The following STARD13 variants were observed in gnomAD, a reference collection of about 807,000 sequenced individuals.
STARD13 encodes StAR related lipid transfer domain containing 13.
Under a neutral mutation model 106.4 loss-of-function variants are expected in STARD13, and 62 were observed. The observed-to-expected ratio is 0.58, with a 90% CI of 0.48 to 0.72. STARD13 has a LOEUF of 0.72. Ranked by LOEUF, STARD13 falls within the 30% of genes least tolerant of loss-of-function variation. The pLI is 0.00. For synonymous variants in STARD13, 565 were observed against 553.0 expected (o/e 1.02, Z -0.31); for missense variants, 1,387 against 1,424.0 (o/e 0.97, Z 0.42).
intron 4 of STARD13, among the ~76,000 whole-genome samples, chr13:33,131,434 GA>G (rs762063596): frequency 5.0e-5 from 4 of 80,376 alleles, no homozygotes; most frequent in South Asian, 4.2e-4. Flanking sequence ...CGAATCATAT[GA>G]TTTTTTTTTT....
At chr13:33,669,588 T>G in the STARD13 span, among the ~76,000 whole-genome samples, 1 of 145,638 alleles carries the variant, frequency 6.9e-6, no homozygotes, top group Non-Finnish European at 1.5e-5. Flanking sequence ...CAGACTGGAG[T>G]GCAGTGGTGT....
chr13:33,509,952 G>A, the STARD13 span, among the ~76,000 whole-genome samples: 1 of 152,152 alleles, frequency 6.6e-6, no homozygotes, highest in Non-Finnish European at 1.5e-5. Flanking sequence ...AGCAGTGAAG[G>A]GCCAGCCAGA....
chr13:33,178,009 G>A lies in STARD13; in HGVS notation c.170-10387C>T, dbSNP rs868367643. Among the ~76,000 whole-genome samples, 20 of 24,538 alleles carry A rather than the reference G, an allele frequency of 8.2e-4. 3 individuals carry two copies. Among genetic ancestry groups the A allele is most frequent in the Admixed American group, 1.4e-3 (3 of 2,166 alleles). 16.1% of individuals were successfully genotyped at this position (24,538 alleles called of 152,430 possible). ...GGAAAGGAAGGAAGGAAGGAAGGAA[G>A]GAAAGGAAGGAAGGAAGGAAGGAAG... On this transcript the variant is annotated intron_variant, in intron 1 of 13. Transcript: ENST00000336934.
rs78260827 is a variant in STARD13 at position 33,178,951 on chromosome 13, A to G, written c.170-11329T>C. Reference sequence around the variant, plus strand: ...AAAGCAAAACATGATCCAAATTTGTAAAACTAGCAAATTTACCAAAAGAGC... The same window carrying G: ...AAAGCAAAACATGATCCAAATTTGTGAAACTAGCAAATTTACCAAAAGAGC... On this transcript the variant is annotated intron_variant, in intron 1 of 13. Transcript: ENST00000336934. 4.0e-3 allele frequency among the ~76,000 whole-genome samples: 607 copies of G among 152,348 alleles called. 6 individuals carry two copies. The highest frequency in any genetic ancestry group is 8.3e-3 in the South Asian group (40 of 4,830).
At chr13:33,439,146 A>G in the STARD13 span, among the ~76,000 whole-genome samples, 1 of 152,356 alleles carries the variant, frequency 6.6e-6, no homozygotes, top group East Asian at 1.9e-4. Flanking sequence ...GTACAACAAC[A>G]GCTGCTAAAG....
chr13:33,142,401 A>C, intron 3 of STARD13, 28 bp from the exon 4 acceptor site: 1 of 1,571,306 alleles, frequency 6.4e-7, no homozygotes, highest in Non-Finnish European at 8.8e-7. Flanking sequence ...TGTGATGATT[A>C]CTTTCACTAA....
At chr13:33,663,222 A>T in the STARD13 span, among the ~76,000 whole-genome samples, 7 of 152,148 alleles carry the variant, frequency 4.6e-5, no homozygotes, top group Non-Finnish European at 1.0e-4. Flanking sequence ...AAGAGCTGGG[A>T]TTACAGGCAT....
At chr13:33,404,773 C>CTTTTTTT in the STARD13 span, among the ~76,000 whole-genome samples, 1 of 122,250 alleles carries the variant, frequency 8.2e-6, no homozygotes, top group Admixed American at 8.3e-5. Flanking sequence ...ACCTCTGGGA[C>CTTTTTTT]TTTTTTTTTT....
chr13:33,148,078 T>C (rs1880789970), intron 3 of STARD13, among the ~76,000 whole-genome samples: 1 of 152,170 alleles, frequency 6.6e-6, no homozygotes, highest in African/African-American at 2.4e-5. Context: ...TCAAAATGAA[T>C]CATAGACCTA....
chr13:33,448,046 G>A, the STARD13 span, among the ~76,000 whole-genome samples: 6 of 151,852 alleles, frequency 4.0e-5, no homozygotes, highest in Non-Finnish European at 7.4e-5. Context: ...CTAAATTATC[G>A]TTATTATTAT....
chr13:33,433,754 G>A, the STARD13 span, among the ~76,000 whole-genome samples: 1 of 152,158 alleles, frequency 6.6e-6, no homozygotes, highest in African/African-American at 2.4e-5. Context: ...AATATGGCCT[G>A]TGTCCCTGTC....
chr13:33,668,305 G>A, the STARD13 span, among the ~76,000 whole-genome samples: 1 of 152,164 alleles, frequency 6.6e-6, no homozygotes, highest in Non-Finnish European at 1.5e-5. Context: ...AAATCGAACT[G>A]CTAAAACCAA....
At position 33,311,094 on chromosome 13, in the gene STARD13, G is replaced by A. The variant is rs1305405467; in HGVS notation, c.124+39196C>T. On this transcript the variant is annotated intron_variant, in intron 1 of 5. Transcript: ENST00000567873. ...GGATCACTTAAGCCCAGAAGTTTGA[G>A]ACCCACCTGGGCAACATAATAAGAC... 3.4e-5 allele frequency among the ~76,000 whole-genome samples: 5 copies of A among 148,646 alleles called. No homozygotes were observed. In the South Asian group the frequency reaches 8.5e-4, roughly 25 times the overall value.
At chr13:33,127,252 G>A (rs1265789392) in intron 6 of STARD13, 121 bp downstream of exon 6, 6 of 1,102,526 alleles carry the variant, frequency 5.4e-6, no homozygotes, top group Non-Finnish European at 6.2e-6. Context: ...ATGTCCAGGA[G>A]ATCATCAGTG....
chr13:33,165,345 A>T lies in STARD13; in HGVS notation c.315T>A (p.Pro105=), dbSNP rs1345530792. 1.2e-6 allele frequency: 2 copies of T among 1,611,622 alleles called. No homozygotes were observed. Among genetic ancestry groups the T allele is most frequent in the Non-Finnish European group, 1.7e-6 (2 of 1,177,838 alleles). The change falls in exon 3 of 14, where the codon CCT becomes CCA. Residue 105 remains proline (P), a synonymous_variant. Coordinates refer to ENST00000336934, the MANE Select transcript of STARD13 (RefSeq NM_178006.4). ...TACTTCACATGGTTTACCTGCAAAGAGGTTCTACAAGGTCCTTTTCAAGAA... is the reference window on the plus strand; with the variant it reads ...TACTTCACATGGTTTACCTGCAAAGTGGTTCTACAAGGTCCTTTTCAAGAA... ...HDFLEKDLVE[P]LCRRLNTLNK...
chr13:33,358,299 C>G, the STARD13 span, among the ~76,000 whole-genome samples: 3 of 152,192 alleles, frequency 2.0e-5, no homozygotes, highest in Non-Finnish European at 2.9e-5. Flanking sequence ...CGAGCCTCCC[C>G]GAGGAGCACC....
At chr13:33,248,763 C>T (rs11618284) in intron 1 of STARD13, among the ~76,000 whole-genome samples, 18,987 of 152,210 alleles carry the variant, frequency 0.12, 1,303 homozygotes, top group Non-Finnish European at 0.15. Flanking sequence ...ATTATCCTTT[C>T]CCTTATTCAG....
At chr13:33,626,198 C>T in the STARD13 span, among the ~76,000 whole-genome samples, 1 of 152,064 alleles carries the variant, frequency 6.6e-6, no homozygotes, top group Non-Finnish European at 1.5e-5. Flanking sequence ...CAGCTGTGAC[C>T]CCTTCAAAGA....
chr13:33,598,031 CTTA>C, the STARD13 span, among the ~76,000 whole-genome samples: 2 of 152,264 alleles, frequency 1.3e-5, no homozygotes, highest in East Asian at 3.9e-4. Flanking sequence ...TCTTCAAGAG[CTTA>C]TTAATCATGT....
Sources: gnomAD v4.1 joint callset for allele counts (sites outside exome capture counted in the v4.1 genomes callset) on GRCh38, gnomAD v4.1.1 for gene constraint, MANE v1.5 for transcripts, NCBI Gene and HGNC (gene_info 2026-07-23, HGNC 2026-07-21) for gene names.